Variants in ZFAT observed in about 807,000 individuals in gnomAD.
The protein encoded by ZFAT is zinc finger protein ZFAT.
In ZFAT, 64 loss-of-function variants were observed where a neutral mutation model predicts 117.7. The ratio of observed to expected loss-of-function variants is 0.54; its 90% CI spans 0.44 to 0.67. ZFAT has a LOEUF of 0.67. Among genes scored for constraint, ZFAT ranks in the 30% least tolerant of loss-of-function variants. The probability of loss-of-function intolerance (pLI) is 0.00; values close to 1 mark genes in which losing one functional copy is unlikely to be tolerated. For missense variants in ZFAT, 1,433 were observed against 1,584.5 expected (o/e 0.90, Z 1.62); for synonymous variants, 679 against 615.0 (o/e 1.10, Z -1.54).
At chr8:134,564,119 C>T (rs1824249192) in intron 11 of ZFAT, among the ~76,000 whole-genome samples, 1 of 149,102 alleles carries the variant, frequency 6.7e-6, no homozygotes. Flanking sequence ...CGTGCCACTG[C>T]ACTCCTGCCT....
chr8:134,799,721 A>G, the ZFAT span, among the ~76,000 whole-genome samples: 1 of 152,214 alleles, frequency 6.6e-6, no homozygotes, highest in Non-Finnish European at 1.5e-5. Flanking sequence ...CTGGGATTCA[A>G]AATTCTTTGC....
At chr8:134,481,259 TA>T (rs1310150621) in intron 15 of ZFAT, among the ~76,000 whole-genome samples, 2 of 152,318 alleles carry the variant, frequency 1.3e-5, no homozygotes, top group African/African-American at 4.8e-5. Flanking sequence ...TTTCTCCTCT[TA>T]CCTGTCAGTA....
chr8:134,569,134 T>G (rs900636645), intron 10 of ZFAT, among the ~76,000 whole-genome samples: 1 of 152,120 alleles, frequency 6.6e-6, no homozygotes, highest in Non-Finnish European at 1.5e-5. Context: ...GCATCATGAG[T>G]TGCACTGGGG....
chr8:134,580,064 C>G (rs947555356), intron 10 of ZFAT, among the ~76,000 whole-genome samples: 8 of 152,022 alleles, frequency 5.3e-5, no homozygotes, highest in African/African-American at 1.9e-4. Context: ...GCAGGGCAGC[C>G]AGGAGAGCAG....
intron 12 of ZFAT, among the ~76,000 whole-genome samples, chr8:134,522,346 C>G (rs1405271701): frequency 2.0e-5 from 3 of 152,250 alleles, no homozygotes; most frequent in Non-Finnish European, 4.4e-5. Context: ...CAATAACCTT[C>G]CCCACCATTT....
chr8:134,616,026 G>T lies in ZFAT; in HGVS notation c.449-5371C>A, dbSNP rs1247290261. Reference sequence around the variant, plus strand: ...ACTCCAGGTAAAACACCCAGTATGTGGGGGGTGGGAGGTGAGGCAGGAGAA... The same window carrying T: ...ACTCCAGGTAAAACACCCAGTATGTTGGGGGTGGGAGGTGAGGCAGGAGAA... On this transcript the variant is annotated intron_variant, in intron 3 of 15. Coordinates refer to ENST00000377838, the MANE Select transcript of ZFAT (RefSeq NM_020863.4). Among the ~76,000 whole-genome samples the T allele has an allele frequency of 1.6e-4, 25 of 152,322 alleles. No individual in the cohort carries two copies. The South Asian group carries it at 5.2e-3, about 32-fold the overall frequency.
chr8:134,630,722 C>A (rs1351476909), intron 3 of ZFAT, among the ~76,000 whole-genome samples: 2 of 151,892 alleles, frequency 1.3e-5, no homozygotes. Context: ...AAAAAAAAAT[C>A]TCTTTTCCTG....
intron 11 of ZFAT, among the ~76,000 whole-genome samples, chr8:134,546,197 T>C (rs1822679594): frequency 6.6e-6 from 1 of 152,216 alleles, no homozygotes; most frequent in African/African-American, 2.4e-5. Context: ...AATTTCTCTC[T>C]AAAGACCCAG....
Position 134,600,450 on chromosome 8 carries a change from C to T in ZFAT, c.2461G>A (p.Val821Ile). 1 of 1,614,192 alleles carries T rather than the reference C, an allele frequency of 6.2e-7. No homozygotes were observed. The highest frequency in any genetic ancestry group is 1.1e-5 in the South Asian group (1 of 91,088). Reference sequence around the variant, plus strand: ...TTGCTACTTACCAGTGCTGTGTGAACTTTAAGATGTGCCTGTAGCTTATAT... The same window carrying T: ...TTGCTACTTACCAGTGCTGTGTGAATTTTAAGATGTGCCTGTAGCTTATAT... Reference protein sequence around the residue: ...DKYKLQAHLKVHTALDKRSYS... With the variant: ...DKYKLQAHLKIHTALDKRSYS... Residue 821 changes from valine (V) to isoleucine (I), a missense_variant, in exon 7 of 16, where the codon GTT (valine) becomes ATT (isoleucine). Val to Ile is a conservative substitution (Grantham distance 29). This residue lies in a region of ZFAT where 49 missense variants were observed against 81.5 expected (regional missense o/e 0.60). Coordinates refer to ENST00000377838, the MANE Select transcript of ZFAT (RefSeq NM_020863.4).
intron 2 of ZFAT, among the ~76,000 whole-genome samples, chr8:134,652,000 C>A (rs1432209383): frequency 6.6e-6 from 1 of 151,796 alleles, no homozygotes; most frequent in Non-Finnish European, 1.5e-5. Context: ...ACAATCCTAT[C>A]CCCAAGAAAA....
rs542784621 is a variant in ZFAT at position 134,640,349 on chromosome 8, G to A, written c.197-2637C>T. Among the ~76,000 whole-genome samples, 15 of 152,316 alleles carry A rather than the reference G, an allele frequency of 9.8e-5. No individual in the cohort carries two copies. In the South Asian group the frequency reaches 2.5e-3, roughly 25 times the overall value. On this transcript the variant is annotated intron_variant, in intron 2 of 15. Transcript: ENST00000377838. ...TCTTGGGCAGACTTGGTCGTCTTGC[G>A]GAGAACTGTGCCCTTAAGCTTGAGT... is the stretch of plus-strand genomic sequence containing the variant.
intron 2 of ZFAT, among the ~76,000 whole-genome samples, chr8:134,649,453 G>GT (rs1038493517): frequency 6.6e-6 from 1 of 152,084 alleles, no homozygotes; most frequent in African/African-American, 2.4e-5. Context: ...GTTTTTAGAA[G>GT]TTTTTTTAAA....
chr8:134,521,600 C>G (rs1235700182), intron 12 of ZFAT, among the ~76,000 whole-genome samples: 1 of 151,794 alleles, frequency 6.6e-6, no homozygotes, highest in Non-Finnish European at 1.5e-5. Flanking sequence ...TGTTTAGATG[C>G]TTTAATTAAG....
intron 5 of ZFAT, among the ~76,000 whole-genome samples, chr8:134,603,626 A>C (rs1827677924): frequency 6.6e-6 from 1 of 152,226 alleles, no homozygotes; most frequent in Non-Finnish European, 1.5e-5. Flanking sequence ...AAAGAGAACC[A>C]ATGTGTTTGA....
At chr8:134,829,023 A>C in the ZFAT span, among the ~76,000 whole-genome samples, 1 of 152,112 alleles carries the variant, frequency 6.6e-6, no homozygotes, top group East Asian at 1.9e-4. Flanking sequence ...CTGCTGGGGG[A>C]CCACTGTCCT....
intron 11 of ZFAT, among the ~76,000 whole-genome samples, chr8:134,560,003 C>G (rs1266810358): frequency 6.6e-6 from 1 of 152,092 alleles, no homozygotes; most frequent in African/African-American, 2.4e-5. Context: ...AAAGTATTAT[C>G]TTAAAATCCA....
chr8:134,696,592 T>C (rs1833854734), intron 1 of ZFAT: 1 of 986,388 alleles, frequency 1.0e-6, no homozygotes. Flanking sequence ...TATCCCTGGC[T>C]GGCACCACCC....
chr8:134,703,313 C>T (rs1834063830), intron 1 of ZFAT, among the ~76,000 whole-genome samples: 1 of 152,212 alleles, frequency 6.6e-6, no homozygotes. Context: ...GTTAAAGTAT[C>T]TTTCAAACCT....
chr8:134,720,050 C>G, the ZFAT span, among the ~76,000 whole-genome samples: 1 of 152,208 alleles, frequency 6.6e-6, no homozygotes, highest in Non-Finnish European at 1.5e-5. Context: ...GTCTTTGGAA[C>G]GCCGCCTCTG....
Sources: gnomAD v4.1 joint callset for allele counts (sites outside exome capture counted in the v4.1 genomes callset) on GRCh38, gnomAD v4.1.1 for gene constraint, gnomAD v4.1.1 regional missense constraint, MANE v1.5 for transcripts, NCBI Gene and HGNC (gene_info 2026-07-23, HGNC 2026-07-21) for gene names.